The following DOCK7 variants were observed in gnomAD, a reference collection of about 807,000 sequenced individuals.
DOCK7 encodes the protein dedicator of cytokinesis protein 7.
Under a neutral mutation model 271.0 loss-of-function variants are expected in DOCK7, and 138 were observed. The observed-to-expected ratio is 0.51, with a 90% CI of 0.44 to 0.59. The LOEUF is 0.59. Among genes scored for constraint, DOCK7 ranks in the 20% least tolerant of loss-of-function variants. The pLI, the probability that DOCK7 is intolerant of heterozygous loss-of-function variation, is 0.00. For missense variants in DOCK7, 2,066 were observed against 2,592.4 expected (o/e 0.80, Z 4.41); for synonymous variants, 823 against 876.1 (o/e 0.94, Z 1.07).
chr1:62,475,244 C>T lies in DOCK7; in HGVS notation c.6069G>A (p.Met2023Ile). Residue 2023 changes from methionine (M) to isoleucine (I), a missense_variant, in exon 47 of 50, where the codon ATG (methionine) becomes ATA (isoleucine). This residue lies in a region of DOCK7 where 652 missense variants were observed against 922.1 expected (regional missense o/e 0.71). Coordinates refer to ENST00000635253, the MANE Select transcript of DOCK7 (RefSeq NM_001367561.1). The part of the protein sequence containing the change: ...QDPADPKMLQ[M>I]VLQGSVGTTV... ...TGGTGCCTACAGATCCCTGGAGTAC[C>T]ATCTGAAGCATTTTGGGGTCTGCGG... is the stretch of plus-strand genomic sequence containing the variant. The T allele has an allele frequency of 6.2e-7, 1 of 1,613,828 alleles. No individual in the cohort carries two copies. Among genetic ancestry groups the T allele is most frequent in the Non-Finnish European group, 8.5e-7 (1 of 1,179,886 alleles).
At chr1:62,484,323 A>G (rs1646229460) in intron 43 of DOCK7, 1 of 152,116 alleles carries the variant, frequency 6.6e-6, no homozygotes, top group South Asian at 2.1e-4. Flanking sequence ...ATACTTTACT[A>G]GAGTAGTGGT....
rs34110232 is a variant in DOCK7, at chr1:62,582,549, CAAAAAAAAAAAAAAAAA to C, written c.1871+618_1871+634del. On this transcript the variant is annotated intron_variant, in intron 16 of 49. Coordinates refer to ENST00000635253, the MANE Select transcript of DOCK7 (RefSeq NM_001367561.1). ...TGGGGGACAGAGCGAGACTCCGTCT[CAAAAAAAAAAAAAAAAA>C]AAAAAAAAAAAAAGATTATAAAAGA... is the stretch of plus-strand genomic sequence containing the variant. Among the ~76,000 whole-genome samples the C allele has an allele frequency of 4.2e-4, 7 of 16,862 alleles. 1 individual carries two copies. The highest frequency in any genetic ancestry group is 3.2e-3 in the South Asian group (1 of 310). 11.1% of individuals were successfully genotyped at this position (16,862 alleles called of 152,430 possible). A position where few individuals can be genotyped will look rare whatever the true frequency, so the allele number is the denominator to read the frequency against.
At chr1:62,603,643 A>C (rs1057377272) in intron 14 of DOCK7, among the ~76,000 whole-genome samples, 3 of 151,764 alleles carry the variant, frequency 2.0e-5, no homozygotes, top group African/African-American at 7.2e-5. Flanking sequence ...CCATATAAAG[A>C]CTTGCAAATA....
At chr1:62,679,484 A>G (rs1660874810) in intron 1 of DOCK7, among the ~76,000 whole-genome samples, 1 of 152,256 alleles carries the variant, frequency 6.6e-6, no homozygotes, top group Non-Finnish European at 1.5e-5. Flanking sequence ...GGATAACAGC[A>G]AAATATTTAA....
chr1:62,538,092 C>T lies in DOCK7; in HGVS notation c.3301-31G>A. The T allele has an allele frequency of 2.5e-6, 4 of 1,585,914 alleles. No homozygotes were observed. The East Asian group carries it at 6.8e-5, about 27-fold the overall frequency. Reference sequence around the variant, plus strand: ...AAGCAATGCATAAGTAAGAGAACACCAATTGAATCTATTATTTCTTTAATA... The same window carrying T: ...AAGCAATGCATAAGTAAGAGAACACTAATTGAATCTATTATTTCTTTAATA... On this transcript the variant is annotated intron_variant, in intron 27 of 49. Coordinates refer to ENST00000635253, the MANE Select transcript of DOCK7 (RefSeq NM_001367561.1).
At chr1:62,636,881 G>T (rs894016929) in intron 7 of DOCK7, among the ~76,000 whole-genome samples, 1 of 152,056 alleles carries the variant, frequency 6.6e-6, no homozygotes, top group African/African-American at 2.4e-5. Context: ...CCATTCTGAG[G>T]CACTAATCAC....
chr1:62,458,535 GTT>G (rs66965626), intron 48 of DOCK7: 19 of 89,788 alleles, frequency 2.1e-4, no homozygotes, highest in South Asian at 3.1e-4. Context: ...AATAGGTTTT[GTT>G]TTTTTTTTTT....
intron 37 of DOCK7, 129 bp downstream of exon 37, chr1:62,504,501 C>T (rs1252886451): frequency 2.0e-6 from 2 of 989,572 alleles, no homozygotes; most frequent in Non-Finnish European, 2.9e-6. Context: ...TGAGAAATAT[C>T]AAGATAGCCT....
At chr1:62,529,551 C>A in intron 29 of DOCK7, 105 bp from the exon 30 acceptor site, 1 of 795,718 alleles carries the variant, frequency 1.3e-6, no homozygotes, top group Non-Finnish European at 1.8e-6. Context: ...AAATTTTGTT[C>A]AATTTCTTAC....
chr1:62,636,119 GCGGGCGCCTGTAGTCCCAGCTACT>G (rs1191794618), intron 8 of DOCK7, among the ~76,000 whole-genome samples: 3 of 152,050 alleles, frequency 2.0e-5, no homozygotes, highest in African/African-American at 7.2e-5. Context: ...GGGCGTAGTG[GCGGGCGCCTGTAGTCCCAGCTACT>G]CGGGAGGCTG....
At chr1:62,643,716 C>T (rs1292504208) in intron 7 of DOCK7, among the ~76,000 whole-genome samples, 2 of 152,082 alleles carry the variant, frequency 1.3e-5, no homozygotes, top group Non-Finnish European at 2.9e-5. Flanking sequence ...TTGTTTTCTT[C>T]TTCCCTAAGT....
At chr1:62,467,328 A>T (rs1206011676) in intron 48 of DOCK7, among the ~76,000 whole-genome samples, 1 of 152,240 alleles carries the variant, frequency 6.6e-6, no homozygotes, top group Non-Finnish European at 1.5e-5. Flanking sequence ...ATCTTGGAGA[A>T]ATTCAAGAGC....
chr1:62,472,066 T>C (rs1344412142), intron 48 of DOCK7, among the ~76,000 whole-genome samples: 1 of 152,128 alleles, frequency 6.6e-6, no homozygotes, highest in African/African-American at 2.4e-5. Context: ...GTTTATATTA[T>C]GTAGTTTTAT....
At chr1:62,664,982 C>T (rs746396044) in intron 1 of DOCK7, among the ~76,000 whole-genome samples, 18 of 152,114 alleles carry the variant, frequency 1.2e-4, no homozygotes, top group Non-Finnish European at 2.4e-4. Flanking sequence ...TTTAGGACTC[C>T]ATTAGGGCTT....
chr1:62,595,824 G>A (rs1410971912), intron 14 of DOCK7, among the ~76,000 whole-genome samples: 1 of 152,126 alleles, frequency 6.6e-6, no homozygotes, highest in Non-Finnish European at 1.5e-5. Context: ...AGCTACTTGG[G>A]AGACAGAGGG....
intron 31 of DOCK7, among the ~76,000 whole-genome samples, chr1:62,524,188 A>ATTTATAG (rs1644932541): frequency 6.6e-6 from 1 of 152,214 alleles, no homozygotes. Context: ...AAATGACCAG[A>ATTTATAG]TTGGCAAAAA....
At chr1:62,489,216 G>A (rs547093441) in intron 41 of DOCK7, 151 bp from the exon 42 acceptor site, 11 of 629,390 alleles carry the variant, frequency 1.7e-5, no homozygotes, top group East Asian at 7.6e-5. Flanking sequence ...TTGGGAGGCC[G>A]AGGCGGGTGG....
chr1:62,537,549 G>T (rs554065920), intron 28 of DOCK7, among the ~76,000 whole-genome samples: 6 of 143,778 alleles, frequency 4.2e-5, no homozygotes, highest in African/African-American at 1.6e-4. Flanking sequence ...TCGCACCACT[G>T]CACTCCAGCC....
chr1:62,618,610 T>C, intron 14 of DOCK7, 96 bp downstream of exon 14: 1 of 1,135,156 alleles, frequency 8.8e-7, no homozygotes, highest in Non-Finnish European at 1.3e-6. Context: ...GTAACAAAAC[T>C]ACTTAAGATT....
Sources: gnomAD v4.1 joint callset for allele counts (sites outside exome capture counted in the v4.1 genomes callset) on GRCh38, gnomAD v4.1.1 for gene constraint, gnomAD v4.1.1 regional missense constraint, MANE v1.5 for transcripts, NCBI Gene and HGNC (gene_info 2026-07-23, HGNC 2026-07-21) for gene names.